Variants in CEP112 observed in about 807,000 individuals in gnomAD.
CEP112 encodes the protein centrosomal protein 112, also known as centrosomal protein of 112 kDa.
Under a neutral mutation model 153.0 loss-of-function variants are expected in CEP112, and 127 were observed. That is an observed-to-expected ratio of 0.83 (90% CI 0.72 to 0.96). The LOEUF is 0.96. CEP112 is among the 40% of genes least tolerant of loss of function. CEP112 has a pLI of 0.00. For synonymous variants in CEP112, 358 were observed against 374.4 expected (o/e 0.96, Z 0.51); for missense variants, 1,089 against 1,101.2 (o/e 0.99, Z 0.16).
chr17:65,792,398 A>G (rs1265186261), intron 21 of CEP112, among the ~76,000 whole-genome samples: 1 of 152,188 alleles, frequency 6.6e-6, no homozygotes, highest in Non-Finnish European at 1.5e-5. Context: ...TTAATGAAGG[A>G]GATTTTTATT....
chr17:65,965,205 G>A (rs1385563956), intron 17 of CEP112, among the ~76,000 whole-genome samples: 1 of 152,048 alleles, frequency 6.6e-6, no homozygotes, highest in African/African-American at 2.4e-5. Flanking sequence ...ATAAATCAAA[G>A]TCATAAACTT....
chr17:65,858,498 AT>A lies in CEP112; in HGVS notation c.2164-6465del, dbSNP rs538665192. The stretch of plus-strand genomic sequence containing the variant: ...TGGCATAATGCTTTTTTAATATCTT[AT>A]TTTTTTAATCTCTGATGATCTGGAA... On this transcript the variant is annotated intron_variant, in intron 20 of 26. Transcript: ENST00000535342. Among the ~76,000 whole-genome samples, 97 of 151,952 alleles carry A rather than the reference AT, an allele frequency of 6.4e-4. 1 individual carries two copies. The highest frequency in any genetic ancestry group is 2.2e-3 in the African/African-American group (91 of 41,480).
At chr17:65,999,422 C>T (rs1303298641) in intron 17 of CEP112, among the ~76,000 whole-genome samples, 1 of 152,006 alleles carries the variant, frequency 6.6e-6, no homozygotes, top group Non-Finnish European at 1.5e-5. Context: ...AGGATGGTCT[C>T]GATCTCCTGA....
intron 24 of CEP112, among the ~76,000 whole-genome samples, chr17:65,667,519 A>G (rs2046754972): frequency 6.6e-6 from 1 of 151,904 alleles, no homozygotes; most frequent in South Asian, 2.1e-4. Flanking sequence ...TACATCTATA[A>G]TTTAAGAAGG....
At chr17:65,658,575 C>T (rs562143217) in intron 24 of CEP112, among the ~76,000 whole-genome samples, 9 of 152,184 alleles carry the variant, frequency 5.9e-5, no homozygotes, top group African/African-American at 1.7e-4. Context: ...TGGGGGTTTG[C>T]ATTTACTTAG....
intron 20 of CEP112, among the ~76,000 whole-genome samples, chr17:65,869,964 A>AC (rs1459574017): frequency 3.3e-5 from 5 of 150,656 alleles, no homozygotes; most frequent in Non-Finnish European, 5.9e-5. Flanking sequence ...TAATGTCAAG[A>AC]AAAAAAAATT....
In CEP112 at chr17:65,948,761, G is replaced by A. The variant is rs532818980; in HGVS notation, c.1872+12702C>T. On this transcript the variant is annotated intron_variant, in intron 18 of 26. Transcript: ENST00000535342. Reference sequence around the variant, plus strand: ...TAAATGTTCTTCAAAGCGAAAGAAAGAGTGTGCAGCAATTTTTTAAAAAGT... The same window carrying A: ...TAAATGTTCTTCAAAGCGAAAGAAAAAGTGTGCAGCAATTTTTTAAAAAGT... Among the ~76,000 whole-genome samples, 22 of 152,214 alleles carry A rather than the reference G, an allele frequency of 1.4e-4. No homozygotes were observed. In the South Asian group the frequency reaches 4.6e-3, roughly 32 times the overall value.
chr17:65,758,932 C>G (rs1462380331), intron 21 of CEP112, among the ~76,000 whole-genome samples: 6 of 152,110 alleles, frequency 3.9e-5, no homozygotes, highest in African/African-American at 7.2e-5. Context: ...AGGCGGAGAC[C>G]TACTGAGCTA....
intron 24 of CEP112, among the ~76,000 whole-genome samples, chr17:65,658,377 G>C (rs553410222): frequency 6.6e-6 from 1 of 152,294 alleles, no homozygotes; most frequent in East Asian, 1.9e-4. Context: ...TGAGGTGATG[G>C]CTATGGGAAG....
chr17:65,781,482 C>T (rs1421038342), intron 21 of CEP112, among the ~76,000 whole-genome samples: 1 of 151,446 alleles, frequency 6.6e-6, no homozygotes, highest in Admixed American at 6.6e-5. Flanking sequence ...TCATTTTTCA[C>T]AGAATTGGAA....
intron 18 of CEP112, among the ~76,000 whole-genome samples, chr17:65,934,885 G>T (rs1322394216): frequency 1.3e-5 from 2 of 152,170 alleles, no homozygotes; most frequent in Non-Finnish European, 2.9e-5. Context: ...TTACAATCAT[G>T]GTAGATGGCA....
intron 8 of CEP112, among the ~76,000 whole-genome samples, chr17:66,088,200 C>T (rs1023079441): frequency 6.6e-6 from 1 of 150,768 alleles, no homozygotes; most frequent in Non-Finnish European, 1.5e-5. Context: ...TCCAGGTCAG[C>T]TCCCAAGACC....
At chr17:65,986,536 G>A (rs1461621673) in intron 17 of CEP112, among the ~76,000 whole-genome samples, 2 of 152,108 alleles carry the variant, frequency 1.3e-5, no homozygotes, top group African/African-American at 4.8e-5. Context: ...CTCCCAAAAT[G>A]CATCGGATTA....
chr17:65,981,954 A>G (rs1482469468), intron 17 of CEP112, among the ~76,000 whole-genome samples: 1 of 152,202 alleles, frequency 6.6e-6, no homozygotes, highest in Non-Finnish European at 1.5e-5. Context: ...AAAAGATGGC[A>G]ATACTGACAT....
chr17:66,129,915 G>A, intron 5 of CEP112, 92 bp from the exon 6 acceptor site: 1 of 743,048 alleles, frequency 1.3e-6, no homozygotes, highest in Non-Finnish European at 2.2e-6. Flanking sequence ...GGAAAAGATA[G>A]AAGAGATAAA....
At chr17:65,714,643 G>A (rs1306834525) in intron 23 of CEP112, among the ~76,000 whole-genome samples, 5 of 151,890 alleles carry the variant, frequency 3.3e-5, no homozygotes. Flanking sequence ...TTCTCTCCTA[G>A]CTTCACCTCC....
At chr17:65,971,694 A>G (rs1270161957) in intron 17 of CEP112, among the ~76,000 whole-genome samples, 4 of 152,190 alleles carry the variant, frequency 2.6e-5, no homozygotes, top group African/African-American at 4.8e-5. Context: ...ATGCGTGTAT[A>G]TTACATGCAT....
chr17:65,715,195 A>T (rs1005768574), intron 23 of CEP112, among the ~76,000 whole-genome samples: 5 of 152,106 alleles, frequency 3.3e-5, no homozygotes, highest in African/African-American at 9.7e-5. Flanking sequence ...ATGGAGGGGA[A>T]ATATGCTGAG....
At position 65,902,245 on chromosome 17, in the gene CEP112, A is replaced by G. The variant is rs776632088; in HGVS notation, c.2070T>C (p.His690=). 5.6e-6 allele frequency: 9 copies of G among 1,613,888 alleles called. No individual in the cohort carries two copies. The highest frequency in any genetic ancestry group is 6.8e-6 in the Non-Finnish European group (8 of 1,179,942). ...TTTCCAGGTTTTCAATTTCCCGTTC[A>G]TGGTCTCGGACTAGGCTATCCTTCT... The part of the protein sequence containing the change: ...NAEKDSLVRD[H]EREIENLEKQ... Residue 690 remains histidine, a synonymous_variant, in exon 20 of 27, where the codon CAT becomes CAC. Transcript: ENST00000535342.
Sources: gnomAD v4.1 joint callset for allele counts (sites outside exome capture counted in the v4.1 genomes callset) on GRCh38, gnomAD v4.1.1 for gene constraint, MANE v1.5 for transcripts, NCBI Gene and HGNC (gene_info 2026-07-23, HGNC 2026-07-21) for gene names.